The following DDX60 variants were observed in gnomAD, a reference collection of about 807,000 sequenced individuals.
DDX60 encodes DExD/H-box helicase 60, also known as probable ATP-dependent RNA helicase DDX60.
Under a neutral mutation model 212.8 loss-of-function variants are expected in DDX60, and 165 were observed. The observed-to-expected ratio is 0.78, with a 90% confidence interval of 0.68 to 0.88. The LOEUF (loss-of-function observed/expected upper bound fraction) is 0.88, where lower values mean the gene tolerates loss of function less well. DDX60 is among the 40% of genes least tolerant of loss of function. DDX60 has a pLI of 0.00. For synonymous variants in DDX60, 703 were observed against 685.3 expected (o/e 1.03, Z -0.40); for missense variants, 1,905 against 2,003.9 (o/e 0.95, Z 0.94).
chr4:168,239,502 T>C (rs78813612), intron 30 of DDX60, among the ~76,000 whole-genome samples: 3,941 of 152,224 alleles, frequency 0.026, 172 homozygotes, highest in African/African-American at 0.09. Flanking sequence ...TGATGCTATA[T>C]AGGAACTGAT....
intron 8 of DDX60, 96 bp downstream of exon 8, chr4:168,291,652 A>C: frequency 1.7e-6 from 2 of 1,173,314 alleles, no homozygotes; most frequent in Non-Finnish European, 2.3e-6. Context: ...CCAAGGGGCT[A>C]ATAGTAGTCC....
At chr4:168,269,470 G>A (rs1056492605) in intron 19 of DDX60, among the ~76,000 whole-genome samples, 3 of 152,182 alleles carry the variant, frequency 2.0e-5, no homozygotes, top group South Asian at 2.1e-4. Flanking sequence ...GCGTGGTGGT[G>A]GGTGCCTGTA....
rs755907243 is a variant in DDX60, at chr4:168,283,445, C to T, written c.1722+1G>A. 5.6e-6 allele frequency: 9 copies of T among 1,612,886 alleles called. No homozygotes were observed. The highest frequency in any genetic ancestry group is 3.3e-5 in the South Asian group (3 of 90,916). On this transcript the variant is annotated splice_donor_variant, in intron 13 of 37. Coordinates refer to ENST00000393743, the MANE Select transcript of DDX60 (RefSeq NM_017631.6). LOFTEE classifies it high-confidence loss of function. ...AATTGGATAGAATTTATAGAACCTA[C>T]GTGTGCCTTTTTGCTCTTGGGCCCA...
Position 168,306,273 on chromosome 4 carries a change from T to A in DDX60, c.606+106A>T, listed in dbSNP as rs1296201506. 14 of 686,936 alleles carry A rather than the reference T, an allele frequency of 2.0e-5. 1 individual carries two copies. Among genetic ancestry groups the A allele is most frequent in the Admixed American group, 1.8e-4 (6 of 34,002 alleles). 42.6% of individuals were successfully genotyped at this position (686,936 alleles called of 1,614,324 possible). A position where few individuals can be genotyped will look rare whatever the true frequency, so the allele number is the denominator to read the frequency against. ...TATTATTAATTGTTATACCTATCTG[T>A]TAAGCCTCTGATAATTTCCTAGAGG... is the stretch of plus-strand genomic sequence containing the variant. On this transcript the variant is annotated intron_variant, in intron 5 of 37. Transcript: ENST00000393743.
At chr4:168,312,555 A>G (rs764226967) in intron 1 of DDX60, among the ~76,000 whole-genome samples, 36 of 152,188 alleles carry the variant, frequency 2.4e-4, no homozygotes, top group Non-Finnish European at 4.6e-4. Flanking sequence ...AGAAGAAAAT[A>G]CTAAAGAGGT....
At chr4:168,290,450 T>G (rs1736041973) in intron 8 of DDX60, among the ~76,000 whole-genome samples, 1 of 150,084 alleles carries the variant, frequency 6.7e-6, no homozygotes. Flanking sequence ...CGCCGCAGCC[T>G]CCCGAGCAGC....
intron 7 of DDX60, among the ~76,000 whole-genome samples, chr4:168,293,376 T>G (rs1475876038): frequency 6.6e-6 from 1 of 152,144 alleles, no homozygotes; most frequent in Non-Finnish European, 1.5e-5. Flanking sequence ...GTTTGAAAAA[T>G]GTTACCTGGA....
chr4:168,273,987 T>C lies in DDX60; in HGVS notation c.2401A>G (p.Lys801Glu), dbSNP rs1379419990. The C allele has an allele frequency of 6.2e-7, 1 of 1,614,068 alleles. No individual in the cohort carries two copies. The highest frequency in any genetic ancestry group is 2.2e-5 in the East Asian group (1 of 44,896). The change falls in exon 17 of 38, where the codon AAA (lysine) becomes GAA (glutamate). Residue 801 changes from lysine (K) to glutamate (E), a missense_variant. Physicochemically the swap from Lys to Glu is moderately conservative, Grantham distance 56. Transcript: ENST00000393743. ...KTYASYYCME[K>E]VLKESDDGVV... ...CCGTCGTCGCTCTCCTTCAGCACTT[T>C]CTCCATACAGTAGTAGGAGGCATAG...
At chr4:168,236,507 T>A in intron 32 of DDX60, 134 bp from the exon 33 acceptor site, 1 of 734,588 alleles carries the variant, frequency 1.4e-6, no homozygotes, top group Non-Finnish European at 2.1e-6. Flanking sequence ...ATTGAAGAAT[T>A]ACCATATATC....
At chr4:168,285,587 T>A in intron 10 of DDX60, 89 bp from the exon 11 acceptor site, 2 of 752,802 alleles carry the variant, frequency 2.7e-6, no homozygotes, top group Non-Finnish European at 4.2e-6. Flanking sequence ...AACTTCATAT[T>A]AAAAACATTT....
chr4:168,271,166 C>T (rs771511923), intron 19 of DDX60, among the ~76,000 whole-genome samples: 2 of 152,192 alleles, frequency 1.3e-5, no homozygotes, highest in Non-Finnish European at 2.9e-5. Flanking sequence ...GTGTGAGCCA[C>T]CGCACCTGAC....
intron 37 of DDX60, among the ~76,000 whole-genome samples, chr4:168,219,027 T>C (rs1177815210): frequency 1.3e-5 from 2 of 152,014 alleles, no homozygotes; most frequent in East Asian, 3.9e-4. Flanking sequence ...TTGCCTGTAA[T>C]CCTAGCACTT....
chr4:168,240,429 T>C (rs1733799016), intron 30 of DDX60, among the ~76,000 whole-genome samples: 1 of 152,160 alleles, frequency 6.6e-6, no homozygotes, highest in East Asian at 1.9e-4. Context: ...GCTATTCCCA[T>C]TAAACTACCA....
chr4:168,294,571 GCTCATT>G (rs1736257634), intron 6 of DDX60, among the ~76,000 whole-genome samples: 1 of 152,036 alleles, frequency 6.6e-6, no homozygotes, highest in Non-Finnish European at 1.5e-5. Flanking sequence ...CCCAATCTCA[GCTCATT>G]GCAATCTCTG....
At chr4:168,322,257 C>A (rs139798989), upstream of DDX60, among the ~76,000 whole-genome samples, 260 of 152,300 alleles carry the variant, frequency 1.7e-3, 2 homozygotes, top group African/African-American at 6.1e-3. Flanking sequence ...AAATCAATTT[C>A]TTTTCCCACC....
Position 168,216,941 on chromosome 4 carries a change from T to C in DDX60, c.5131A>G (p.Lys1711Glu), listed in dbSNP as rs1732865721. Residue 1711 changes from lysine to glutamate, a missense_variant, in exon 38 of 38, where the codon AAA becomes GAA. Lys to Glu is a moderately conservative substitution (Grantham distance 56). Transcript: ENST00000393743. ...LSTTFWEKLNKV is the reference protein window; with the variant it reads ...LSTTFWEKLNEV ...TTGCATAGACTTTGTTTTTAGACTTTGTTTAACTTTTCCCAAAAAGTTGTA... is the reference window on the plus strand; with the variant it reads ...TTGCATAGACTTTGTTTTTAGACTTCGTTTAACTTTTCCCAAAAAGTTGTA... 3 of 1,596,026 alleles carry C rather than the reference T, an allele frequency of 1.9e-6. No individual in the cohort carries two copies. Among genetic ancestry groups the C allele is most frequent in the African/African-American group, 1.4e-5 (1 of 73,824 alleles).
intron 6 of DDX60, among the ~76,000 whole-genome samples, chr4:168,297,382 G>GAGAGAGAGAGAAAGAA (rs1560870698): frequency 7.5e-5 from 3 of 39,908 alleles, no homozygotes; most frequent in Admixed American, 2.1e-4. Flanking sequence ...AAGAAAGAAA[G>GAGAGAGAGAGAAAGAA]AGAAAGAAAG....
intron 6 of DDX60, among the ~76,000 whole-genome samples, chr4:168,295,444 T>C (rs745434482): frequency 8.5e-5 from 13 of 152,202 alleles, no homozygotes; most frequent in Non-Finnish European, 1.6e-4. Flanking sequence ...TGCTGAGCGT[T>C]CAAACTGTGT....
Position 168,303,819 on chromosome 4 carries a change from T to A in DDX60, c.607-1403A>T, listed in dbSNP as rs376176018. ...CAACATAGTGAAACCCCGTCTCTAC[T>A]AAAAACACAAAAATTGGCCCAGCAT... On this transcript the variant is annotated intron_variant, in intron 5 of 37. Coordinates refer to ENST00000393743, the MANE Select transcript of DDX60 (RefSeq NM_017631.6). Among the ~76,000 whole-genome samples, 729 of 152,158 alleles carry A rather than the reference T, an allele frequency of 4.8e-3. 6 individuals carry two copies. The highest frequency in any genetic ancestry group is 7.8e-3 in the Non-Finnish European group (529 of 67,996).
Sources: gnomAD v4.1 joint callset for allele counts (sites outside exome capture counted in the v4.1 genomes callset) on GRCh38, gnomAD v4.1.1 for gene constraint, MANE v1.5 for transcripts, NCBI Gene and HGNC (gene_info 2026-07-23, HGNC 2026-07-21) for gene names.